DTD1: variants seen among roughly 807,000 people sequenced by gnomAD.
DTD1 encodes D-tyrosyl-tRNA deacylase 1 homolog.
In DTD1, 13 loss-of-function variants were observed where a neutral mutation model predicts 25.6. The observed-to-expected ratio is 0.51, with a 90% CI of 0.33 to 0.81. The LOEUF is 0.81. Ranked by LOEUF, DTD1 falls within the 30% of genes least tolerant of loss-of-function variation. The probability of loss-of-function intolerance (pLI) is 0.02; values close to 1 mark genes in which losing one functional copy is unlikely to be tolerated. For missense variants in DTD1, 193 were observed against 266.4 expected, an observed-to-expected ratio of 0.72 and a Z score of 1.92; for synonymous variants, 110 against 103.6, an observed-to-expected ratio of 1.06 and a Z score of -0.37.
chr20:18,684,539 G>A (rs1166907978), intron 4 of DTD1, among the ~76,000 whole-genome samples: 1 of 152,088 alleles, frequency 6.6e-6, no homozygotes, highest in African/African-American at 2.4e-5. Context: ...CACCAGCGTA[G>A]GCCTCCCAAA....
chr20:18,670,880 G>A (rs572508094), intron 4 of DTD1, among the ~76,000 whole-genome samples: 40 of 152,354 alleles, frequency 2.6e-4, no homozygotes, highest in African/African-American at 9.1e-4. Flanking sequence ...TGAGTCTCAA[G>A]TGCTAGTGGC....
intron 4 of DTD1, among the ~76,000 whole-genome samples, chr20:18,730,737 A>G (rs1458699650): frequency 6.6e-6 from 1 of 152,248 alleles, no homozygotes; most frequent in Non-Finnish European, 1.5e-5. Flanking sequence ...TACATTACTT[A>G]ACATAATTTC....
At chr20:18,601,415 C>G (rs989123745) in intron 3 of DTD1, among the ~76,000 whole-genome samples, 6 of 150,062 alleles carry the variant, frequency 4.0e-5, no homozygotes, top group Non-Finnish European at 8.8e-5. Context: ...AGGAGTATCG[C>G]TTGAACGTGG....
chr20:18,645,662 G>A (rs141133161), intron 4 of DTD1, among the ~76,000 whole-genome samples: 466 of 152,376 alleles, frequency 3.1e-3, no homozygotes, highest in Middle Eastern at 6.8e-3. Context: ...ATTCCTGGCT[G>A]AAATGGTGTT....
intron 1 of DTD1, 109 bp downstream of exon 1, chr20:18,588,224 C>A: frequency 9.7e-7 from 1 of 1,034,530 alleles, no homozygotes; most frequent in Non-Finnish European, 1.2e-6. Flanking sequence ...GCGGCCCCTC[C>A]GCGAGCCTGG....
intron 4 of DTD1, among the ~76,000 whole-genome samples, chr20:18,649,665 A>G (rs2060865936): frequency 6.6e-6 from 1 of 152,110 alleles, no homozygotes; most frequent in Non-Finnish European, 1.5e-5. Flanking sequence ...GTTCAGATGG[A>G]AAGTGTGAGC....
chr20:18,594,951 A>C (rs2060604084), intron 2 of DTD1, among the ~76,000 whole-genome samples: 1 of 152,180 alleles, frequency 6.6e-6, no homozygotes, highest in African/African-American at 2.4e-5. Flanking sequence ...TGCCCATATT[A>C]AGAGTCAGTT....
At chr20:18,715,259 A>C (rs558651664) in intron 4 of DTD1, among the ~76,000 whole-genome samples, 1 of 152,186 alleles carries the variant, frequency 6.6e-6, no homozygotes, top group East Asian at 1.9e-4. Context: ...GACATTATGG[A>C]AGGGTGCCTG....
intron 4 of DTD1, among the ~76,000 whole-genome samples, chr20:18,697,771 G>A (rs570547499): frequency 4.6e-5 from 7 of 152,264 alleles, no homozygotes; most frequent in South Asian, 2.1e-4. Context: ...TGCAAGCTCC[G>A]CCTCTTAGGT....
chr20:18,756,254 T>C (rs949775988), intron 5 of DTD1, among the ~76,000 whole-genome samples: 2 of 152,228 alleles, frequency 1.3e-5, no homozygotes, highest in African/African-American at 2.4e-5. Flanking sequence ...TCTTTTGCTG[T>C]GCAGAAGCTC....
At chr20:18,637,113 T>G (rs2060810481) in intron 4 of DTD1, among the ~76,000 whole-genome samples, 1 of 152,210 alleles carries the variant, frequency 6.6e-6, no homozygotes, top group African/African-American at 2.4e-5. Context: ...AGGTGTTGGT[T>G]TCTTCTGGAC....
intron 3 of DTD1, among the ~76,000 whole-genome samples, chr20:18,598,931 A>G (rs1262018017): frequency 6.6e-6 from 1 of 151,928 alleles, no homozygotes; most frequent in Admixed American, 6.6e-5. Flanking sequence ...CTTTTTTAGA[A>G]TGTCATATAT....
In DTD1 at chr20:18,766,091, G is replaced by A. The variant is rs1338802912; in HGVS notation, c.*2751G>A. 1 of 152,222 alleles carries A rather than the reference G, an allele frequency of 6.6e-6. No individual in the cohort carries two copies. Among genetic ancestry groups the A allele is most frequent in the Non-Finnish European group, 1.5e-5 (1 of 68,054 alleles). The allele number at this position is 152,222 out of a possible 1,614,324, so 9.4% of individuals were successfully genotyped here. ...TGGATGTCCATAGCAGCACCTCATG[G>A]TTAGTGGTCCCAGGGAGGGCATTTT... On this transcript the variant is annotated 3_prime_UTR_variant, in exon 6 of 6. Coordinates refer to ENST00000377452, the MANE Select transcript of DTD1 (RefSeq NM_080820.6).
intron 4 of DTD1, among the ~76,000 whole-genome samples, chr20:18,708,251 A>ATT (rs56000255): frequency 3.7e-5 from 1 of 27,358 alleles, no homozygotes; most frequent in African/African-American, 2.0e-4. Flanking sequence ...TATAATATAT[A>ATT]TTATATATAT....
intron 3 of DTD1, among the ~76,000 whole-genome samples, chr20:18,606,089 C>A (rs1168388125): frequency 7.1e-6 from 1 of 140,416 alleles, no homozygotes; most frequent in African/African-American, 2.7e-5. Flanking sequence ...AAGAAAAAAA[C>A]AAACAACCCC....
chr20:18,708,218 A>ATT lies in DTD1; in HGVS notation c.478-35882_478-35881insTT, dbSNP rs1568676578. 4.9e-3 allele frequency among the ~76,000 whole-genome samples: 28 copies of ATT among 5,664 alleles called. 2 individuals carry two copies. Among genetic ancestry groups the ATT allele is most frequent in the South Asian group, 0.013 (2 of 158 alleles). 3.7% of individuals were successfully genotyped at this position (5,664 alleles called of 152,430 possible). A position where few individuals can be genotyped will look rare whatever the true frequency, so the allele number is the denominator to read the frequency against. On this transcript the variant is annotated intron_variant, in intron 4 of 5. Transcript: ENST00000377452. Reference sequence around the variant, plus strand: ...TATTATATATATATTTTATATATATAATATATATATATTTTATATATATAT... The same window carrying ATT: ...TATTATATATATATTTTATATATATATTATATATATATATTTTATATATATAT...
At chr20:18,661,980 T>G (rs977306616) in intron 4 of DTD1, among the ~76,000 whole-genome samples, 17 of 152,188 alleles carry the variant, frequency 1.1e-4, no homozygotes, top group Non-Finnish European at 1.8e-4. Flanking sequence ...AGTGAGACCC[T>G]GTCTCTACAA....
intron 3 of DTD1, among the ~76,000 whole-genome samples, chr20:18,621,920 C>T (rs568870516): frequency 2.6e-5 from 4 of 151,904 alleles, no homozygotes; most frequent in Admixed American, 6.6e-5. Flanking sequence ...AAAAATTAGC[C>T]GGGCATGGTG....
At chr20:18,640,832 T>C (rs1244179297) in intron 4 of DTD1, among the ~76,000 whole-genome samples, 1 of 152,074 alleles carries the variant, frequency 6.6e-6, no homozygotes, top group East Asian at 1.9e-4. Context: ...GGTTTCACCA[T>C]GTTGGCCAGG....
Sources: gnomAD v4.1 joint callset for allele counts (sites outside exome capture counted in the v4.1 genomes callset) on GRCh38, gnomAD v4.1.1 for gene constraint, MANE v1.5 for transcripts, NCBI Gene and HGNC (gene_info 2026-07-23, HGNC 2026-07-21) for gene names.